Variants in TMEM181 observed in about 807,000 individuals in gnomAD.
TMEM181 encodes the protein transmembrane protein 181.
In TMEM181, 39 loss-of-function variants were observed where a neutral mutation model predicts 71.9. The observed-to-expected ratio is 0.54, with a 90% CI of 0.42 to 0.71. The LOEUF (loss-of-function observed/expected upper bound fraction) is 0.71, where lower values mean the gene tolerates loss of function less well. TMEM181 is among the 30% of genes least tolerant of loss of function. TMEM181 has a pLI of 0.00. For missense variants in TMEM181, 595 were observed against 583.0 expected (o/e 1.02, Z -0.21); for synonymous variants, 245 against 228.8 (o/e 1.07, Z -0.64).
chr6:158,556,782 A>G (rs528346644), upstream of TMEM181, among the ~76,000 whole-genome samples: 5 of 145,106 alleles, frequency 3.4e-5, no homozygotes, highest in Non-Finnish European at 6.1e-5. Flanking sequence ...ATTTTTTTTG[A>G]GATGGAGTCT....
intron 3 of TMEM181, among the ~76,000 whole-genome samples, chr6:158,583,120 C>T (rs1783569662): frequency 6.6e-6 from 1 of 152,036 alleles, no homozygotes; most frequent in Non-Finnish European, 1.5e-5. Context: ...GTAATCCCAG[C>T]TATTTGGGAG....
At chr6:158,604,404 T>A (rs1023983939) in intron 6 of TMEM181, among the ~76,000 whole-genome samples, 2 of 152,212 alleles carry the variant, frequency 1.3e-5, no homozygotes, top group African/African-American at 2.4e-5. Flanking sequence ...GTGGATTTTT[T>A]AAATTGCTCA....
chr6:158,578,871 A>G (rs1479383215), intron 2 of TMEM181, among the ~76,000 whole-genome samples: 1 of 152,240 alleles, frequency 6.6e-6, no homozygotes, highest in African/African-American at 2.4e-5. Flanking sequence ...AGACACAAAT[A>G]GGTTGAAGTA....
chr6:158,595,180 T>C (rs1784327498), intron 6 of TMEM181, among the ~76,000 whole-genome samples: 1 of 152,278 alleles, frequency 6.6e-6, no homozygotes, highest in South Asian at 2.1e-4. Flanking sequence ...ATTTCTGGTA[T>C]AATTATCTGC....
intron 13 of TMEM181, among the ~76,000 whole-genome samples, chr6:158,626,961 C>G (rs1786334543): frequency 8.4e-6 from 1 of 119,612 alleles, no homozygotes; most frequent in Admixed American, 8.3e-5. Context: ...CCCTCACTCA[C>G]ACCCTCTCAC....
chr6:158,565,632 G>A (rs1482996613), intron 1 of TMEM181, among the ~76,000 whole-genome samples: 1 of 152,222 alleles, frequency 6.6e-6, no homozygotes, highest in African/African-American at 2.4e-5. Flanking sequence ...GAAAAAAACA[G>A]GGAAGAGTGA....
intron 11 of TMEM181, among the ~76,000 whole-genome samples, chr6:158,624,574 T>G (rs571067864): frequency 6.6e-6 from 1 of 152,388 alleles, no homozygotes; most frequent in South Asian, 2.1e-4. Flanking sequence ...TTTGGCTTGC[T>G]GTGACATTAC....
In TMEM181 at chr6:158,591,720, C is replaced by T. The variant is rs146214246; in HGVS notation, c.492+1938C>T. Among the ~76,000 whole-genome samples, 3 of 152,190 alleles carry T rather than the reference C, an allele frequency of 2.0e-5. No homozygotes were observed. The East Asian group carries it at 5.8e-4, about 29-fold the overall frequency. ...AGGGACCTCTCCCTTTCATCATCTT[C>T]TTTATTAGAACATCATCTCCTACAA... On this transcript the variant is annotated intron_variant, in intron 6 of 16. Transcript: ENST00000684151.
At position 158,631,338 on chromosome 6, in the gene TMEM181, A is replaced by ACAAT; in HGVS notation, c.1300_1303dup (p.Pro435GlnfsTer9). 6.2e-7 allele frequency: 1 copy of ACAAT among 1,614,204 alleles called. No individual in the cohort carries two copies. The highest frequency in any genetic ancestry group is 8.5e-7 in the Non-Finnish European group (1 of 1,180,038). On this transcript the variant is annotated frameshift_variant, in exon 16 of 17. Coordinates refer to ENST00000684151, the MANE Select transcript of TMEM181 (RefSeq NM_001376852.1). LOFTEE classifies it high-confidence loss of function. The stretch of plus-strand genomic sequence containing the variant: ...TGGTTTTCAGAGTCCCAGCTGAAAG[A>ACAAT]CAATCCTGCCTTCTCCATGCTGAAT...
intron 1 of TMEM181, among the ~76,000 whole-genome samples, chr6:158,562,446 T>TGTGTGTGTG (rs1554302346): frequency 7.1e-5 from 10 of 141,190 alleles, no homozygotes; most frequent in Non-Finnish European, 1.5e-4. Flanking sequence ...AAGGCTGTTT[T>TGTGTGTGTG]TGTGTGTGTG....
upstream of TMEM181, among the ~76,000 whole-genome samples, chr6:158,559,435 C>T (rs914537663): frequency 6.6e-6 from 1 of 152,218 alleles, no homozygotes; most frequent in African/African-American, 2.4e-5. Flanking sequence ...ACCCACAGCA[C>T]ACGGGAACAC....
chr6:158,581,598 A>G (rs1292255200), intron 3 of TMEM181, among the ~76,000 whole-genome samples: 1 of 151,798 alleles, frequency 6.6e-6, no homozygotes, highest in African/African-American at 2.4e-5. Context: ...CTGAAAATAC[A>G]AAAAAATTAG....
intron 6 of TMEM181, among the ~76,000 whole-genome samples, chr6:158,600,832 G>A (rs1284689228): frequency 6.6e-6 from 1 of 152,074 alleles, no homozygotes; most frequent in South Asian, 2.1e-4. Context: ...AGACTCTTAA[G>A]CTAGAATCCC....
At chr6:158,611,258 C>T in intron 10 of TMEM181, 1 of 496,840 alleles carries the variant, frequency 2.0e-6, no homozygotes, top group Non-Finnish European at 4.1e-6. Flanking sequence ...CCTGGCTGTT[C>T]CTTCTCAGTC....
intron 10 of TMEM181, among the ~76,000 whole-genome samples, chr6:158,617,812 TTC>T (rs1183033496): frequency 6.6e-6 from 1 of 152,236 alleles, no homozygotes; most frequent in Non-Finnish European, 1.5e-5. Context: ...TAATCCTGAG[TTC>T]TAATTTGATT....
rs1419108838 is a variant in TMEM181, at chr6:158,585,786, C to T, written c.381+361C>T. 2.0e-5 allele frequency among the ~76,000 whole-genome samples: 3 copies of T among 152,308 alleles called. No individual in the cohort carries two copies. The East Asian group carries it at 5.8e-4, about 29-fold the overall frequency. On this transcript the variant is annotated intron_variant, in intron 5 of 16. Transcript: ENST00000684151. Reference sequence around the variant, plus strand: ...TAATGAATGTTATGGGCTGCCTCCTCATACGAACGTCTGCCACAGGCTGTG... The same window carrying T: ...TAATGAATGTTATGGGCTGCCTCCTTATACGAACGTCTGCCACAGGCTGTG...
chr6:158,612,035 G>C (rs1176295318), intron 10 of TMEM181, among the ~76,000 whole-genome samples: 1 of 151,838 alleles, frequency 6.6e-6, no homozygotes, highest in Non-Finnish European at 1.5e-5. Flanking sequence ...TAAAGGGAAA[G>C]GAATGTGCTT....
chr6:158,546,690 G>T (rs551664443), intron 1 of TMEM181, among the ~76,000 whole-genome samples: 42 of 152,392 alleles, frequency 2.8e-4, no homozygotes, highest in Admixed American at 1.1e-3. Flanking sequence ...CAGGCGCGAT[G>T]GCGCACACCT....
intron 10 of TMEM181, chr6:158,611,081 T>A: frequency 2.1e-6 from 1 of 478,654 alleles, no homozygotes; most frequent in Non-Finnish European, 4.1e-6. Flanking sequence ...TGGAGAGCAT[T>A]TGTCAGTGAC....
Sources: allele counts gnomAD v4.1 joint callset (sites outside exome capture counted in the v4.1 genomes callset), GRCh38; gene constraint gnomAD v4.1.1; transcripts MANE v1.5; gene names NCBI Gene and HGNC (gene_info 2026-07-23, HGNC 2026-07-21).